TRPM4: variants seen among roughly 807,000 people sequenced by gnomAD.
The protein encoded by TRPM4 is calcium-activated non-selective cation channel 1.
Under a neutral mutation model 135.6 loss-of-function variants are expected in TRPM4, and 124 were observed. That is an observed-to-expected ratio of 0.91 (90% CI 0.79 to 1.06). The LOEUF is 1.06. Ranked by LOEUF, TRPM4 falls within the 50% of genes least tolerant of loss-of-function variation. The pLI, the probability that TRPM4 is intolerant of heterozygous loss-of-function variation, is 0.00. For missense variants in TRPM4, 1,658 were observed against 1,671.4 expected (o/e 0.99, Z 0.14); for synonymous variants, 745 against 705.6 (o/e 1.06, Z -0.88).
Position 49,190,306 on chromosome 19 carries a change from C to G in TRPM4, c.2118C>G (p.Arg706=), listed in dbSNP as rs1471330163. The change falls in exon 15 of 25, where the codon CGC becomes CGG. Residue 706 remains arginine, a synonymous_variant. Transcript: ENST00000252826. Reference sequence around the variant, plus strand: ...TTTGCCCTCCACTCATCTACACCCGCCTCATCACCTTCAGGTCAGTACCCT... The same window carrying G: ...TTTGCCCTCCACTCATCTACACCCGGCTCATCACCTTCAGGTCAGTACCCT... The part of the protein sequence containing the change: ...AFFCPPLIYT[R]LITFRKSEEE... 7 of 1,614,104 alleles carry G rather than the reference C, an allele frequency of 4.3e-6. No individual in the cohort carries two copies.
At chr19:49,197,850 A>AT (rs901776973) in intron 17 of TRPM4, among the ~76,000 whole-genome samples, 1 of 150,504 alleles carries the variant, frequency 6.6e-6, no homozygotes, top group Non-Finnish European at 1.5e-5. Context: ...ACCTAGCTAA[A>AT]TTTTTTTTGT....
intron 12 of TRPM4, among the ~76,000 whole-genome samples, chr19:49,186,680 T>C (rs34762916): frequency 0.28 from 42,347 of 151,846 alleles, 6,051 homozygotes; most frequent in South Asian, 0.37. Flanking sequence ...GAGACCAGCC[T>C]GACCAACATG....
Position 49,210,960 on chromosome 19 carries a change from G to T in TRPM4, c.3462-55G>T. 3 of 794,932 alleles carry T rather than the reference G, an allele frequency of 3.8e-6. No homozygotes were observed. The highest frequency in any genetic ancestry group is 5.7e-6 in the Non-Finnish European group (3 of 524,516). 49.2% of individuals were successfully genotyped at this position (794,932 alleles called of 1,614,324 possible). A position where few individuals can be genotyped will look rare whatever the true frequency, so the allele number is the denominator to read the frequency against. ...GGAGGAGGCCCGGGAAGCAGGCAGA[G>T]CCCTGGGGGTGGGTGGGCTGCGGGT... On this transcript the variant is annotated intron_variant, in intron 22 of 24. Transcript: ENST00000252826. The surrounding 1 kb of genome is among the most constrained non-coding windows in gnomAD (Gnocchi z 4.1).
At chr19:49,193,241 C>T (rs1256675720) in intron 16 of TRPM4, among the ~76,000 whole-genome samples, 3 of 151,890 alleles carry the variant, frequency 2.0e-5, no homozygotes, top group African/African-American at 4.8e-5. Flanking sequence ...CCACCACGCC[C>T]GGCTAATTTT....
Position 49,210,173 on chromosome 19 carries a change from T to C in TRPM4, c.3132-36T>C. On this transcript the variant is annotated intron_variant, in intron 20 of 24. Coordinates refer to ENST00000252826, the MANE Select transcript of TRPM4 (RefSeq NM_017636.4). This position sits in a 1 kb window ranked among gnomAD's most constrained non-coding sequence, Gnocchi z 4.1. ...TTCGTCCTTGCCCCTGGCTGGGCCC[T>C]GACCTCAAGTGACCTTTGACCTCTG... The C allele has an allele frequency of 3.1e-6, 5 of 1,612,242 alleles. No homozygotes were observed. Among genetic ancestry groups the C allele is most frequent in the Non-Finnish European group, 4.2e-6 (5 of 1,178,220 alleles).
intron 16 of TRPM4, among the ~76,000 whole-genome samples, chr19:49,194,735 C>T (rs1230928741): frequency 1.4e-5 from 2 of 138,464 alleles, no homozygotes; most frequent in Middle Eastern, 3.6e-3. Flanking sequence ...TATCTCCTTC[C>T]CTCCCTCCCT....
intron 20 of TRPM4, among the ~76,000 whole-genome samples, chr19:49,203,398 T>C (rs35815377): frequency 0.21 from 29,513 of 143,180 alleles, 4,115 homozygotes; most frequent in East Asian, 0.74. Flanking sequence ...CCAGGATGGT[T>C]TCGATCTCCT....
chr19:49,188,590 C>T (rs577663542), intron 12 of TRPM4, 51 bp from the exon 13 acceptor site: 1 of 1,613,578 alleles, frequency 6.2e-7, no homozygotes, highest in East Asian at 2.2e-5. Flanking sequence ...CAGGCTTCCT[C>T]CCCCTCTATG....
intron 20 of TRPM4, 137 bp downstream of exon 20, chr19:49,202,278 C>T: frequency 1.0e-6 from 1 of 991,126 alleles, no homozygotes; most frequent in Admixed American, 1.9e-5. Flanking sequence ...TCTCCCCAAA[C>T]CCAACCAGAC....
chr19:49,211,740 AT>A lies in TRPM4; in HGVS notation c.*243del. ...AGGCCTGGATCCCGGGCCGTTATCC[AT>A]CTGGAGGCTGCAGGGTCCTTGGGGT... On this transcript the variant is annotated 3_prime_UTR_variant, in exon 25 of 25. Transcript: ENST00000252826. This position sits in a 1 kb window ranked among gnomAD's most constrained non-coding sequence, Gnocchi z 4.8. 1 of 604,610 alleles carries A rather than the reference AT, an allele frequency of 1.7e-6. No individual in the cohort carries two copies. The highest frequency in any genetic ancestry group is 2.9e-6 in the Non-Finnish European group (1 of 340,508). 37.5% of individuals were successfully genotyped at this position (604,610 alleles called of 1,614,324 possible). A position where few individuals can be genotyped will look rare whatever the true frequency, so the allele number is the denominator to read the frequency against.
chr19:49,190,759 G>A lies in TRPM4; in HGVS notation c.2196G>A (p.Gly732=). The A allele has an allele frequency of 1.2e-6, 2 of 1,614,158 alleles. No homozygotes were observed. Among genetic ancestry groups the A allele is most frequent in the Non-Finnish European group, 1.7e-6 (2 of 1,180,040 alleles). The part of the protein sequence containing the change: ...LEFDMDSVIN[G]EGPVGTADPA... ...TTGACATGGATAGTGTCATTAATGG[G>A]GAAGGGCCTGTCGGGTGAGTGGAGC... The change falls in exon 16 of 25, where the codon GGG becomes GGA. Residue 732 remains glycine (G), a synonymous_variant. Coordinates refer to ENST00000252826, the MANE Select transcript of TRPM4 (RefSeq NM_017636.4).
chr19:49,182,463 TCCA>T, intron 10 of TRPM4, 112 bp from the exon 11 acceptor site: 3 of 388,182 alleles, frequency 7.7e-6, no homozygotes, highest in Admixed American at 3.1e-5. Context: ...CATCCATCCA[TCCA>T]TCCATCCATC....
chr19:49,168,267 G>A lies in TRPM4; in HGVS notation c.456G>A (p.Trp152Ter). 6.2e-7 allele frequency: 1 copy of A among 1,614,160 alleles called. No individual in the cohort carries two copies. The highest frequency in any genetic ancestry group is 8.5e-7 in the Non-Finnish European group (1 of 1,180,046). Residue 152 changes from tryptophan (W) to a stop codon, truncating the protein, a stop_gained, in exon 5 of 25, where the codon TGG becomes TGA. Transcript: ENST00000252826. LOFTEE classifies it high-confidence loss of function. Reference protein sequence around the residue: ...LVRAAQSTGAWIVTGGLHTGI... With the variant: ...LVRAAQSTGA ...TCCTCGGCGTCTGTGTAGGAGCCTGGATTGTCACTGGGGGTCTGCACACGG... is the reference window on the plus strand; with the variant it reads ...TCCTCGGCGTCTGTGTAGGAGCCTGAATTGTCACTGGGGGTCTGCACACGG...
rs1317970912 is a variant in TRPM4 at position 49,211,136 on chromosome 19, C to T, written c.3535-28C>T. ...GGGACTGTGGCAGGGGTCCCATCTC[C>T]CGCTCTGACATTCCTCCCATTCCGC... On this transcript the variant is annotated intron_variant, in intron 23 of 24. Coordinates refer to ENST00000252826, the MANE Select transcript of TRPM4 (RefSeq NM_017636.4). This position sits in a 1 kb window ranked among gnomAD's most constrained non-coding sequence, Gnocchi z 4.8. 1.9e-6 allele frequency: 3 copies of T among 1,610,038 alleles called. No individual in the cohort carries two copies. The highest frequency in any genetic ancestry group is 1.1e-5 in the South Asian group (1 of 90,312).
At chr19:49,158,461 C>G (rs2041561928) in intron 2 of TRPM4, 4 of 618,846 alleles carry the variant, frequency 6.5e-6, no homozygotes, top group Non-Finnish European at 8.7e-6. Flanking sequence ...TTCTCCCGCT[C>G]AGGGTCAGTG....
At chr19:49,164,251 CTCTTTCTCTT>C (rs1967076437) in intron 2 of TRPM4, among the ~76,000 whole-genome samples, 1 of 148,404 alleles carries the variant, frequency 6.7e-6, no homozygotes. Flanking sequence ...CTTTCTTTCT[CTCTTTCTCTT>C]TCTTTCTCTC....
intron 17 of TRPM4, among the ~76,000 whole-genome samples, chr19:49,198,686 A>G (rs1341507230): frequency 1.3e-5 from 2 of 149,696 alleles, no homozygotes; most frequent in African/African-American, 2.5e-5. Context: ...ATGTCTAATC[A>G]TCTCCGGAAT....
intron 2 of TRPM4, among the ~76,000 whole-genome samples, chr19:49,162,572 A>C (rs1019439311): frequency 2.0e-5 from 3 of 152,048 alleles, no homozygotes; most frequent in Non-Finnish European, 4.4e-5. Flanking sequence ...AAACAAAAAA[A>C]CAATTTATTT....
chr19:49,200,498 G>A (rs1968879361), intron 18 of TRPM4, 66 bp downstream of exon 18: 3 of 1,592,446 alleles, frequency 1.9e-6, no homozygotes, highest in Non-Finnish European at 2.6e-6. Flanking sequence ...GGGAGGGAGT[G>A]GTCCGTGGAG....
Sources: allele counts gnomAD v4.1 joint callset (sites outside exome capture counted in the v4.1 genomes callset), GRCh38; gene constraint gnomAD v4.1.1; non-coding constraint Gnocchi (gnomAD v3.1); transcripts MANE v1.5; gene names NCBI Gene and HGNC (gene_info 2026-07-23, HGNC 2026-07-21).